The following USP46 variants were observed in gnomAD, a reference collection of about 807,000 sequenced individuals.
USP46 encodes the protein ubiquitin specific peptidase 46.
Under a neutral mutation model 44.4 loss-of-function variants are expected in USP46, and 12 were observed. The observed-to-expected ratio is 0.27, with a 90% CI of 0.17 to 0.44. USP46 has a LOEUF of 0.44. Among genes scored for constraint, USP46 ranks in the 20% least tolerant of loss-of-function variants. The pLI, the probability that USP46 is intolerant of heterozygous loss-of-function variation, is 1.00. For synonymous variants in USP46, 155 were observed against 161.5 expected (o/e 0.96, Z 0.31); for missense variants, 248 against 444.8 (o/e 0.56, Z 3.98).
chr4:52,606,154 A>G (rs760196231), intron 5 of USP46, among the ~76,000 whole-genome samples: 1 of 152,212 alleles, frequency 6.6e-6, no homozygotes, highest in Non-Finnish European at 1.5e-5. Context: ...TGTTGGTTGA[A>G]TGAATGAACC....
chr4:52,644,885 G>T (rs1247310236), intron 1 of USP46, among the ~76,000 whole-genome samples: 5 of 151,946 alleles, frequency 3.3e-5, no homozygotes, highest in Non-Finnish European at 7.4e-5. Flanking sequence ...GTGACACCCC[G>T]TCTCTACTAA....
intron 8 of USP46, 83 bp downstream of exon 8, chr4:52,598,545 A>C: frequency 7.3e-7 from 1 of 1,375,458 alleles, no homozygotes; most frequent in African/African-American, 1.4e-5. Context: ...AAACAGGCCT[A>C]TTTTAGAAAA....
chr4:52,654,104 T>C (rs1718868407), intron 1 of USP46, among the ~76,000 whole-genome samples: 5 of 152,184 alleles, frequency 3.3e-5, no homozygotes, highest in Admixed American at 3.3e-4. Flanking sequence ...GCAGAACTAA[T>C]TGTCAGGTCC....
intron 1 of USP46, among the ~76,000 whole-genome samples, chr4:52,639,426 T>G (rs1718244503): frequency 6.6e-6 from 1 of 152,112 alleles, no homozygotes; most frequent in Admixed American, 6.5e-5. Context: ...TGCACTGTCA[T>G]CCTCAAGAGC....
chr4:52,654,819 G>A (rs1309272543), intron 1 of USP46, among the ~76,000 whole-genome samples: 2 of 152,214 alleles, frequency 1.3e-5, no homozygotes, highest in Non-Finnish European at 2.9e-5. Context: ...AAACAAGGTA[G>A]TTAGGTAATG....
At chr4:52,610,298 A>T (rs189849295) in intron 5 of USP46, among the ~76,000 whole-genome samples, 119 of 152,196 alleles carry the variant, frequency 7.8e-4, no homozygotes, top group Non-Finnish European at 1.2e-3. Context: ...TACCTGGCTG[A>T]TCTCAAATCT....
In USP46 at chr4:52,592,876, C is replaced by A; in HGVS notation, c.*4764G>T. On this transcript the variant is annotated 3_prime_UTR_variant, in exon 9 of 9. Coordinates refer to ENST00000441222, the MANE Select transcript of USP46 (RefSeq NM_022832.4). The stretch of plus-strand genomic sequence containing the variant: ...AAAGAAAAGTGTGTAACCCCTCCCC[C>A]TTTGCTCTCTTCCTCTTGCTCCTGC... 1 of 398,474 alleles carries A rather than the reference C, an allele frequency of 2.5e-6. No homozygotes were observed. Among genetic ancestry groups the A allele is most frequent in the East Asian group, 3.6e-5 (1 of 28,056 alleles). 24.7% of individuals were successfully genotyped at this position (398,474 alleles called of 1,614,324 possible).
chr4:52,616,859 A>G (rs1163832789), intron 4 of USP46, among the ~76,000 whole-genome samples: 2 of 152,240 alleles, frequency 1.3e-5, no homozygotes, highest in Non-Finnish European at 2.9e-5. Flanking sequence ...ATTAAACAGC[A>G]TACTTCTAAT....
At chr4:52,607,193 C>T (rs1166287367) in intron 5 of USP46, among the ~76,000 whole-genome samples, 2 of 152,178 alleles carry the variant, frequency 1.3e-5, no homozygotes, top group East Asian at 1.9e-4. Flanking sequence ...GAAGTTAATA[C>T]CTAATGTAAA....
At chr4:52,605,871 T>G (rs1027395181) in intron 5 of USP46, among the ~76,000 whole-genome samples, 2 of 152,224 alleles carry the variant, frequency 1.3e-5, no homozygotes, top group Non-Finnish European at 2.9e-5. Flanking sequence ...TTGCAGGTGC[T>G]ATTTTCTCAG....
chr4:52,618,425 G>A (rs1717248299), intron 4 of USP46, among the ~76,000 whole-genome samples: 1 of 152,106 alleles, frequency 6.6e-6, no homozygotes, highest in Admixed American at 6.5e-5. Context: ...AGGAAGCAGA[G>A]GTTGCAGTAA....
rs1199684718 is a variant in USP46 at position 52,594,804 on chromosome 4, C to A, written c.*2836G>T. 6.6e-6 allele frequency: 1 copy of A among 152,170 alleles called. No individual in the cohort carries two copies. Among genetic ancestry groups the A allele is most frequent in the Admixed American group, 6.5e-5 (1 of 15,286 alleles). 9.4% of individuals were successfully genotyped at this position (152,170 alleles called of 1,614,324 possible). A position where few individuals can be genotyped will look rare whatever the true frequency, so the allele number is the denominator to read the frequency against. ...ACCCAAAATACACCAGGCCATAAAACCAAATATGATTGACTTCCTATTCAA... is the reference window on the plus strand; with the variant it reads ...ACCCAAAATACACCAGGCCATAAAAACAAATATGATTGACTTCCTATTCAA... On this transcript the variant is annotated 3_prime_UTR_variant, in exon 9 of 9. Coordinates refer to ENST00000441222, the MANE Select transcript of USP46 (RefSeq NM_022832.4).
intron 3 of USP46, among the ~76,000 whole-genome samples, chr4:52,627,446 G>T (rs1717638746): frequency 6.6e-6 from 1 of 152,018 alleles, no homozygotes; most frequent in Non-Finnish European, 1.5e-5. Context: ...GAAAAATCAG[G>T]ACTTTTAAAA....
intron 4 of USP46, among the ~76,000 whole-genome samples, chr4:52,615,576 T>C (rs1361680981): frequency 2.0e-5 from 3 of 152,188 alleles, no homozygotes. Context: ...TGATACATGC[T>C]ACACCACCAA....
intron 1 of USP46, among the ~76,000 whole-genome samples, chr4:52,639,914 G>C (rs1006211058): frequency 1.4e-5 from 2 of 141,056 alleles, no homozygotes; most frequent in African/African-American, 5.3e-5. Context: ...ATGTTGTCCA[G>C]GCTGGTCTCG....
chr4:52,649,588 C>T lies in USP46; in HGVS notation c.36+9527G>A, dbSNP rs183512914. On this transcript the variant is annotated intron_variant, in intron 1 of 8. Transcript: ENST00000441222. ...TGCAAAATCTCCGCCCTGCCCCAGACGTGCTGAATCCAAATTGACATTTCA... is the reference window on the plus strand; with the variant it reads ...TGCAAAATCTCCGCCCTGCCCCAGATGTGCTGAATCCAAATTGACATTTCA... Among the ~76,000 whole-genome samples, 5 of 152,346 alleles carry T rather than the reference C, an allele frequency of 3.3e-5. No homozygotes were observed. The East Asian group carries it at 9.6e-4, about 29-fold the overall frequency.
intron 4 of USP46, 28 bp downstream of exon 4, chr4:52,625,990 G>A: frequency 6.3e-7 from 1 of 1,590,858 alleles, no homozygotes; most frequent in Non-Finnish European, 8.6e-7. Flanking sequence ...GAACATGCGA[G>A]CTACATAAGA....
chr4:52,647,388 C>T (rs1468456981), intron 1 of USP46, among the ~76,000 whole-genome samples: 1 of 152,232 alleles, frequency 6.6e-6, no homozygotes. Context: ...CAACATACAA[C>T]CTTGTGCACA....
chr4:52,641,220 T>C (rs1718329726), intron 1 of USP46, among the ~76,000 whole-genome samples: 1 of 152,144 alleles, frequency 6.6e-6, no homozygotes, highest in Admixed American at 6.5e-5. Flanking sequence ...AGTACCGATC[T>C]TGGGGGGTAA....
Sources: gnomAD v4.1 joint callset for allele counts (sites outside exome capture counted in the v4.1 genomes callset) on GRCh38, gnomAD v4.1.1 for gene constraint, MANE v1.5 for transcripts, NCBI Gene and HGNC (gene_info 2026-07-23, HGNC 2026-07-21) for gene names.